Variants in EIF2S3B observed in about 807,000 individuals in gnomAD.
The protein encoded by EIF2S3B is eukaryotic translation initiation factor 2 subunit 3B.
In EIF2S3B, 16 loss-of-function variants were observed where a neutral mutation model predicts 26.4. The observed-to-expected ratio is 0.61, with a 90% CI of 0.41 to 0.92. The LOEUF (loss-of-function observed/expected upper bound fraction) is 0.92, where lower values mean the gene tolerates loss of function less well. Among genes scored for constraint, EIF2S3B ranks in the 40% least tolerant of loss-of-function variants. EIF2S3B has a pLI of 0.00. For missense variants in EIF2S3B, 510 were observed against 575.5 expected (o/e 0.89, Z 1.16); for synonymous variants, 183 against 204.4 (o/e 0.90, Z 0.89).
chr12:10,507,636 T>C lies in EIF2S3B; in HGVS notation c.*315T>C, dbSNP rs10772301. Reference sequence around the variant, plus strand: ...TTTTGTTTTGTTTTTGAGTCTGGCTTTGTCACCTAGGCTGGCATGTAGTGG... The same window carrying C: ...TTTTGTTTTGTTTTTGAGTCTGGCTCTGTCACCTAGGCTGGCATGTAGTGG... On this transcript the variant is annotated 3_prime_UTR_variant, in exon 1 of 1. Coordinates refer to ENST00000538173, the MANE Select transcript of EIF2S3B (RefSeq NM_001357734.3). 443,113 of 444,428 alleles carry C rather than the reference T, an allele frequency of 1. 220,913 individuals are homozygous for C. The highest frequency in any genetic ancestry group is 1 in the East Asian group (22,746 of 22,746). The allele number at this position is 444,428 out of a possible 1,614,324, so 27.5% of individuals were successfully genotyped here.
intron 1 of EIF2S3B, among the ~76,000 whole-genome samples, chr12:10,516,656 G>C (rs1349785723): frequency 6.6e-6 from 1 of 151,686 alleles, no homozygotes; most frequent in Non-Finnish European, 1.5e-5. Context: ...TGTTGAATAG[G>C]AGTGGTGAGA....
intron 1 of EIF2S3B, among the ~76,000 whole-genome samples, chr12:10,516,690 G>C (rs989374783): frequency 5.9e-5 from 9 of 151,652 alleles, no homozygotes; most frequent in African/African-American, 2.2e-4. Context: ...TCTTGTGCCA[G>C]TTTTCAAAGG....
At chr12:10,510,844 AC>A (rs1332486967), downstream of EIF2S3B, among the ~76,000 whole-genome samples, 36 of 152,160 alleles carry the variant, frequency 2.4e-4, no homozygotes, top group Non-Finnish European at 5.9e-5. Flanking sequence ...GAAGAAATCT[AC>A]CAAAGTGAAT....
downstream of EIF2S3B, among the ~76,000 whole-genome samples, chr12:10,511,302 C>T (rs936261616): frequency 2.6e-5 from 4 of 151,766 alleles, no homozygotes; most frequent in African/African-American, 9.7e-5. Context: ...AATGGAAAAT[C>T]ATTTCATTAT....
Position 10,508,524 on chromosome 12 carries a change from G to GAAAAAAA in EIF2S3B, c.*1203_*1204insAAAAAAA, listed in dbSNP as rs1864670853. ...GTCAATAAGTAAAAGATGTTAGAAA[G>GAAAAAAA]CAAAAAAAAAAAAAAAAAAAAAAAA... On this transcript the variant is annotated 3_prime_UTR_variant, in exon 1 of 1. Coordinates refer to ENST00000538173, the MANE Select transcript of EIF2S3B (RefSeq NM_001357734.3). Among the ~76,000 whole-genome samples, 2 of 6,992 alleles carry GAAAAAAA rather than the reference G, an allele frequency of 2.9e-4. No individual in the cohort carries two copies. Among genetic ancestry groups the GAAAAAAA allele is most frequent in the Admixed American group, 1.4e-3 (1 of 732 alleles). 4.6% of individuals were successfully genotyped at this position (6,992 alleles called of 152,430 possible).
chr12:10,505,931 T>G lies in EIF2S3B; in HGVS notation c.29T>G (p.Leu10Arg), dbSNP rs773944315. The change falls in exon 1 of 1, where the codon CTG becomes CGG. Residue 10 changes from leucine to arginine, a missense_variant. Leu to Arg is a moderately radical substitution (Grantham distance 102). Coordinates refer to ENST00000538173, the MANE Select transcript of EIF2S3B (RefSeq NM_001357734.3). MAGGEAGVT[L>R]GQPHLSRQDL... ...GCGGGCGGAGAAGCTGGGGTGACTC[T>G]GGGGCAGCCGCACCTTTCGCGTCAG... 6.2e-7 allele frequency: 1 copy of G among 1,601,080 alleles called. No homozygotes were observed. The highest frequency in any genetic ancestry group is 8.6e-7 in the Non-Finnish European group (1 of 1,168,222).
chr12:10,515,892 C>T (rs988821434), intron 1 of EIF2S3B, among the ~76,000 whole-genome samples: 2 of 150,712 alleles, frequency 1.3e-5, no homozygotes, highest in African/African-American at 4.9e-5. Flanking sequence ...ATACTACATA[C>T]ATACTAATTT....
In EIF2S3B at chr12:10,506,151, T is replaced by G; in HGVS notation, c.249T>G (p.Tyr83Ter). ...LERNITIKLG[Y>*]ANAKIYQLDD... The stretch of plus-strand genomic sequence containing the variant: ...GAAATATTACAATCAAGCTTGGATA[T>G]GCTAATGCTAAGATTTATCAACTTG... Residue 83 changes from tyrosine to a stop codon, truncating the protein, a stop_gained, in exon 1 of 1, where the codon TAT (tyrosine) becomes TAG (stop). Transcript: ENST00000538173. LOFTEE classifies it high-confidence loss of function. The G allele has an allele frequency of 6.3e-7, 1 of 1,576,374 alleles. No homozygotes were observed. The highest frequency in any genetic ancestry group is 1.1e-5 in the South Asian group (1 of 90,300).
exon 2 of EIF2S3B, chr12:10,522,704 T>G: frequency 1.5e-6 from 1 of 686,016 alleles, no homozygotes; most frequent in Non-Finnish European, 2.7e-6. Context: ...AGGAAATCAT[T>G]TCTTTCTTTA....
In EIF2S3B at chr12:10,507,629, T is replaced by C; in HGVS notation, c.*308T>C. Reference sequence around the variant, plus strand: ...TGTTTTATTTTGTTTTGTTTTTGAGTCTGGCTTTGTCACCTAGGCTGGCAT... The same window carrying C: ...TGTTTTATTTTGTTTTGTTTTTGAGCCTGGCTTTGTCACCTAGGCTGGCAT... On this transcript the variant is annotated 3_prime_UTR_variant, in exon 1 of 1. Coordinates refer to ENST00000538173, the MANE Select transcript of EIF2S3B (RefSeq NM_001357734.3). 2.1e-6 allele frequency: 1 copy of C among 482,664 alleles called. No homozygotes were observed. The highest frequency in any genetic ancestry group is 3.8e-5 in the East Asian group (1 of 26,296). The allele number at this position is 482,664 out of a possible 1,614,324, so 29.9% of individuals were successfully genotyped here.
downstream of EIF2S3B, among the ~76,000 whole-genome samples, chr12:10,509,468 C>T (rs1375050068): frequency 6.6e-6 from 1 of 152,010 alleles, no homozygotes; most frequent in Non-Finnish European, 1.5e-5. Flanking sequence ...GCTTTAAAAA[C>T]ACTTTCAGAT....
At position 10,507,267 on chromosome 12, in the gene EIF2S3B, T is replaced by C. The variant is rs756098902; in HGVS notation, c.1365T>C (p.Gly455=). Residue 455 remains glycine, a synonymous_variant, in exon 1 of 1, where the codon GGT becomes GGC. Transcript: ENST00000538173. ...RRVEKHWRLI[G]WGQIRRGVTI... is the part of the protein sequence containing the mutation. ...TTGAAAAACACTGGCGTTTAATTGG[T>C]TGGGGTCAGATAAGAAGAGGAGTGA... 2 of 1,613,604 alleles carry C rather than the reference T, an allele frequency of 1.2e-6. No homozygotes were observed. Among genetic ancestry groups the C allele is most frequent in the South Asian group, 1.1e-5 (1 of 91,064 alleles).
rs1303566396 is a variant in EIF2S3B, at chr12:10,507,371, C to G, written c.*50C>G. ...CGGATGGAGCTGGAAGTTGCAATTT[C>G]TCTTTAACAACCAAGGGGTTTATTT... On this transcript the variant is annotated 3_prime_UTR_variant, in exon 1 of 1. Coordinates refer to ENST00000538173, the MANE Select transcript of EIF2S3B (RefSeq NM_001357734.3). 6.2e-7 allele frequency: 1 copy of G among 1,600,054 alleles called. No individual in the cohort carries two copies. Among genetic ancestry groups the G allele is most frequent in the Non-Finnish European group, 8.6e-7 (1 of 1,167,598 alleles).
chr12:10,519,389 C>T (rs1864804314), intron 1 of EIF2S3B, among the ~76,000 whole-genome samples: 5 of 151,698 alleles, frequency 3.3e-5, no homozygotes, highest in Admixed American at 3.3e-4. Context: ...AACGTTAGAC[C>T]TAAAACCATA....
Position 10,506,965 on chromosome 12 carries a change from G to C in EIF2S3B, c.1063G>C (p.Gly355Arg). 6.2e-7 allele frequency: 1 copy of C among 1,613,804 alleles called. No individual in the cohort carries two copies. The highest frequency in any genetic ancestry group is 8.5e-7 in the Non-Finnish European group (1 of 1,179,740). ...PTLCRADRMVGQILGAVGALP... is the reference protein window; with the variant it reads ...PTLCRADRMVRQILGAVGALP... ...TTTGTGCCGGGCTGACAGAATGGTGGGGCAAATACTTGGTGCAGTCGGAGC... is the reference window on the plus strand; with the variant it reads ...TTTGTGCCGGGCTGACAGAATGGTGCGGCAAATACTTGGTGCAGTCGGAGC... The change falls in exon 1 of 1, where the codon GGG (glycine) becomes CGG (arginine). Residue 355 changes from glycine (G) to arginine (R), a missense_variant. Coordinates refer to ENST00000538173, the MANE Select transcript of EIF2S3B (RefSeq NM_001357734.3).
exon 2 of EIF2S3B, chr12:10,522,872 G>C (rs1864848099): frequency 4.4e-6 from 2 of 458,052 alleles, no homozygotes; most frequent in African/African-American, 1.9e-5. Context: ...CCTACACCTG[G>C]ACTTCATGTT....
chr12:10,508,201 G>C lies in EIF2S3B; in HGVS notation c.*880G>C, dbSNP rs371176829. ...TGGGTTCGAATGAAATTGTCCTTTAGAGCATGATTACTTGTTCCCATGGGC... is the reference window on the plus strand; with the variant it reads ...TGGGTTCGAATGAAATTGTCCTTTACAGCATGATTACTTGTTCCCATGGGC... On this transcript the variant is annotated 3_prime_UTR_variant, in exon 1 of 1. Coordinates refer to ENST00000538173, the MANE Select transcript of EIF2S3B (RefSeq NM_001357734.3). 1.3e-5 allele frequency among the ~76,000 whole-genome samples: 2 copies of C among 152,100 alleles called. No homozygotes were observed. Among genetic ancestry groups the C allele is most frequent in the Non-Finnish European group, 2.9e-5 (2 of 68,016 alleles).
At chr12:10,512,191 A>G (rs1864711363), downstream of EIF2S3B, among the ~76,000 whole-genome samples, 1 of 152,168 alleles carries the variant, frequency 6.6e-6, no homozygotes, top group Admixed American at 6.5e-5. Flanking sequence ...TCAAGTCCAC[A>G]TAGTGCAGCA....
intron 1 of EIF2S3B, among the ~76,000 whole-genome samples, chr12:10,515,161 C>A (rs1358170412): frequency 1.3e-5 from 2 of 151,856 alleles, no homozygotes; most frequent in Non-Finnish European, 2.9e-5. Context: ...TACCTTCAGC[C>A]CCCCAATTCC....
Sources: allele counts gnomAD v4.1 joint callset (sites outside exome capture counted in the v4.1 genomes callset), GRCh38; gene constraint gnomAD v4.1.1; transcripts MANE v1.5; gene names NCBI Gene and HGNC (gene_info 2026-07-23, HGNC 2026-07-21).